The following DNAJC1 variants were observed in gnomAD, a reference collection of about 807,000 sequenced individuals.
DNAJC1 encodes DnaJ heat shock protein family (Hsp40) member C1, also known as dnaJ homolog subfamily C member 1.
In DNAJC1, 58 loss-of-function variants were observed where a neutral mutation model predicts 76.6. The ratio of observed to expected loss-of-function variants is 0.76; its 90% CI spans 0.61 to 0.94. The LOEUF is 0.94. Among genes scored for constraint, DNAJC1 ranks in the 40% least tolerant of loss-of-function variants. DNAJC1 has a pLI of 0.00. For synonymous variants in DNAJC1, 258 were observed against 267.9 expected, an observed-to-expected ratio of 0.96 and a Z score of 0.36; for missense variants, 689 against 677.3, an observed-to-expected ratio of 1.02 and a Z score of -0.19.
intron 7 of DNAJC1, among the ~76,000 whole-genome samples, chr10:21,888,872 C>T (rs1261163562): frequency 2.0e-5 from 3 of 152,206 alleles, no homozygotes; most frequent in African/African-American, 7.2e-5. Flanking sequence ...CAACAAGTCC[C>T]TGTGACATGA....
chr10:21,966,137 C>T (rs992753502), intron 1 of DNAJC1, among the ~76,000 whole-genome samples: 6 of 152,084 alleles, frequency 3.9e-5, no homozygotes, highest in African/African-American at 9.7e-5. Context: ...ATTTAGGTTA[C>T]GCTTTTTTGG....
chr10:21,879,504 A>G (rs1836237643), intron 8 of DNAJC1, among the ~76,000 whole-genome samples: 1 of 152,062 alleles, frequency 6.6e-6, no homozygotes, highest in South Asian at 2.1e-4. Flanking sequence ...CTTGCCTGTA[A>G]TCCCAGCTAC....
intron 9 of DNAJC1, among the ~76,000 whole-genome samples, chr10:21,787,794 G>C (rs900958209): frequency 1.3e-5 from 2 of 152,200 alleles, no homozygotes; most frequent in African/African-American, 4.8e-5. Context: ...GGGGTCACCT[G>C]CAGTCCTCAC....
At chr10:21,788,413 C>T (rs1834638751) in intron 9 of DNAJC1, among the ~76,000 whole-genome samples, 1 of 152,190 alleles carries the variant, frequency 6.6e-6, no homozygotes, top group Non-Finnish European at 1.5e-5. Flanking sequence ...TATGTACTAC[C>T]CTTTGTCTCA....
At position 21,766,328 on chromosome 10, in the gene DNAJC1, G is replaced by T; in HGVS notation, c.1099-19C>A. 1 of 1,609,202 alleles carries T rather than the reference G, an allele frequency of 6.2e-7. No individual in the cohort carries two copies. The highest frequency in any genetic ancestry group is 8.5e-7 in the Non-Finnish European group (1 of 1,175,652). ...TTGTCACCTGTTTCAAAACATAAAAGCAAAAATCTTACTTTCCATGTACCT... is the reference window on the plus strand; with the variant it reads ...TTGTCACCTGTTTCAAAACATAAAATCAAAAATCTTACTTTCCATGTACCT... On this transcript the variant is annotated intron_variant, in intron 9 of 11. Coordinates refer to ENST00000376980, the MANE Select transcript of DNAJC1 (RefSeq NM_022365.4).
chr10:21,975,218 G>A (rs1426997773), intron 1 of DNAJC1, among the ~76,000 whole-genome samples: 1 of 152,024 alleles, frequency 6.6e-6, no homozygotes, highest in Non-Finnish European at 1.5e-5. Flanking sequence ...TTGGTAAAAT[G>A]GGAGTAGAGG....
intron 6 of DNAJC1, among the ~76,000 whole-genome samples, chr10:21,912,563 G>GAACT (rs914478685): frequency 1.3e-5 from 2 of 152,004 alleles, no homozygotes; most frequent in African/African-American, 4.8e-5. Context: ...AAATTCAGAT[G>GAACT]AACTTCTCCA....
At chr10:21,804,289 G>T (rs967788120) in intron 9 of DNAJC1, among the ~76,000 whole-genome samples, 3 of 152,020 alleles carry the variant, frequency 2.0e-5, no homozygotes, top group Non-Finnish European at 2.9e-5. Flanking sequence ...TAAATGTGGT[G>T]CAGTCTTCAA....
intron 8 of DNAJC1, among the ~76,000 whole-genome samples, chr10:21,808,937 T>C (rs753141486): frequency 6.6e-6 from 1 of 152,190 alleles, no homozygotes; most frequent in Non-Finnish European, 1.5e-5. Flanking sequence ...TAAATCTCCA[T>C]ACTGAATACA....
chr10:21,957,189 C>T (rs939529973), intron 1 of DNAJC1, among the ~76,000 whole-genome samples: 1 of 152,100 alleles, frequency 6.6e-6, no homozygotes, highest in Admixed American at 6.5e-5. Flanking sequence ...TGCGCCTGAC[C>T]AGAATTCTTT....
chr10:21,904,234 G>C (rs1836706385), intron 7 of DNAJC1, among the ~76,000 whole-genome samples: 1 of 152,118 alleles, frequency 6.6e-6, no homozygotes, highest in Admixed American at 6.5e-5. Flanking sequence ...TTATAGTACT[G>C]AAGTATTTTA....
intron 11 of DNAJC1, among the ~76,000 whole-genome samples, chr10:21,758,102 C>A (rs1273227353): frequency 6.6e-6 from 1 of 152,156 alleles, no homozygotes; most frequent in Non-Finnish European, 1.5e-5. Context: ...TTTTTCTCCC[C>A]AGGAACTCTC....
chr10:21,868,198 C>T (rs1483097414), intron 8 of DNAJC1, among the ~76,000 whole-genome samples: 1 of 148,044 alleles, frequency 6.8e-6, no homozygotes, highest in Non-Finnish European at 1.5e-5. Flanking sequence ...GATCTTGGCT[C>T]ACCACAATCT....
intron 7 of DNAJC1, among the ~76,000 whole-genome samples, chr10:21,893,998 T>TA (rs1312243712): frequency 6.6e-6 from 1 of 152,012 alleles, no homozygotes; most frequent in African/African-American, 2.4e-5. Flanking sequence ...ATCAAAAGGA[T>TA]AAAAAACAAA....
At chr10:21,939,479 A>T (rs1462643730) in intron 1 of DNAJC1, among the ~76,000 whole-genome samples, 1 of 152,192 alleles carries the variant, frequency 6.6e-6, no homozygotes, top group Non-Finnish European at 1.5e-5. Context: ...CTAAAATTAT[A>T]ATGGAGCTGA....
intron 2 of DNAJC1, 36 bp from the exon 3 acceptor site, chr10:21,928,588 C>T: frequency 3.9e-6 from 6 of 1,548,438 alleles, no homozygotes; most frequent in Non-Finnish European, 4.5e-6. Flanking sequence ...TAAAAATACT[C>T]TCAACTATAA....
chr10:21,931,774 G>T (rs1837229432), intron 1 of DNAJC1, among the ~76,000 whole-genome samples: 1 of 152,138 alleles, frequency 6.6e-6, no homozygotes. Flanking sequence ...CTGAATGTTA[G>T]AACATTCATC....
At chr10:21,895,120 G>C (rs893743439) in intron 7 of DNAJC1, among the ~76,000 whole-genome samples, 2 of 152,204 alleles carry the variant, frequency 1.3e-5, no homozygotes, top group African/African-American at 4.8e-5. Flanking sequence ...AAATGTAGAA[G>C]TGGCTTTGAA....
At chr10:21,993,462 C>T (rs188944272) in intron 1 of DNAJC1, among the ~76,000 whole-genome samples, 9 of 152,310 alleles carry the variant, frequency 5.9e-5, no homozygotes, top group African/African-American at 1.7e-4. Context: ...AAAGGCCCTG[C>T]AAAATACTGC....
Sources: gnomAD v4.1 joint callset for allele counts (sites outside exome capture counted in the v4.1 genomes callset) on GRCh38, gnomAD v4.1.1 for gene constraint, MANE v1.5 for transcripts, NCBI Gene and HGNC (gene_info 2026-07-23, HGNC 2026-07-21) for gene names.